Variants in PPP3CA observed in about 807,000 individuals in gnomAD.
PPP3CA encodes the protein protein phosphatase 3 catalytic subunit alpha, also known as CAM-PRP catalytic subunit.
Under a neutral mutation model 66.5 loss-of-function variants are expected in PPP3CA, and 14 were observed. That is an observed-to-expected ratio of 0.21 (90% confidence interval 0.14 to 0.33). The LOEUF is 0.33. Ranked by LOEUF, PPP3CA falls within the 10% of genes least tolerant of loss-of-function variation. The pLI is 1.00. For missense variants in PPP3CA, 317 were observed against 639.5 expected (o/e 0.50, Z 5.44); for synonymous variants, 232 against 226.2 (o/e 1.03, Z -0.23).
intron 12 of PPP3CA, among the ~76,000 whole-genome samples, chr4:101,031,534 A>C (rs1208711582): frequency 6.6e-6 from 1 of 152,138 alleles, no homozygotes; most frequent in Non-Finnish European, 1.5e-5. Context: ...ATTTAATATA[A>C]ATTAGATAAA....
intron 3 of PPP3CA, among the ~76,000 whole-genome samples, chr4:101,102,274 G>C (rs1442976932): frequency 6.6e-6 from 1 of 150,738 alleles, no homozygotes; most frequent in Non-Finnish European, 1.5e-5. Flanking sequence ...GGAAGGGAGG[G>C]AGGAAGGGAG....
chr4:101,226,662 T>C lies in PPP3CA; in HGVS notation c.59-30546A>G, dbSNP rs146539923. ...TGGGAAGTCCTTGAAACCTGGCACA[T>C]CCTTTACAAGTAACATTTTTACTCA... On this transcript the variant is annotated intron_variant, in intron 1 of 13. Coordinates refer to ENST00000394854, the MANE Select transcript of PPP3CA (RefSeq NM_000944.5). Among the ~76,000 whole-genome samples, 4 of 151,840 alleles carry C rather than the reference T, an allele frequency of 2.6e-5. No homozygotes were observed. The South Asian group carries it at 8.3e-4, about 31-fold the overall frequency.
intron 1 of PPP3CA, among the ~76,000 whole-genome samples, chr4:101,196,838 T>C (rs989270674): frequency 6.6e-6 from 1 of 152,204 alleles, no homozygotes; most frequent in Non-Finnish European, 1.5e-5. Flanking sequence ...ACCCGCATCT[T>C]CTTAACAGCA....
At chr4:101,247,930 A>G (rs961384965) in intron 1 of PPP3CA, among the ~76,000 whole-genome samples, 6 of 152,320 alleles carry the variant, frequency 3.9e-5, no homozygotes, top group Non-Finnish European at 8.8e-5. Context: ...AACTCTATAT[A>G]TGTGTGTATA....
chr4:101,083,339 G>C (rs1012831447), intron 6 of PPP3CA, 76 bp from the exon 7 acceptor site: 26 of 1,251,092 alleles, frequency 2.1e-5, no homozygotes, highest in Non-Finnish European at 3.0e-5. Flanking sequence ...CTAACATCCA[G>C]ATCTATGTGA....
chr4:101,338,023 C>T (rs1439019272), intron 1 of PPP3CA, among the ~76,000 whole-genome samples: 1 of 152,218 alleles, frequency 6.6e-6, no homozygotes, highest in Admixed American at 6.5e-5. Context: ...TAATCTTATA[C>T]ATTTTTATTC....
chr4:101,235,652 C>T (rs9997767), intron 1 of PPP3CA, among the ~76,000 whole-genome samples: 101,669 of 151,638 alleles, frequency 0.67, 34,977 homozygotes, highest in Middle Eastern at 0.76. Context: ...GCTCAGTAAA[C>T]GTATTTCATT....
At chr4:101,238,936 C>A (rs574185074) in intron 1 of PPP3CA, among the ~76,000 whole-genome samples, 2 of 152,060 alleles carry the variant, frequency 1.3e-5, no homozygotes, top group South Asian at 4.2e-4. Context: ...TCTAATGTAA[C>A]CATCCTCCCA....
chr4:101,218,958 A>G (rs1342694376), intron 1 of PPP3CA, among the ~76,000 whole-genome samples: 1 of 152,084 alleles, frequency 6.6e-6, no homozygotes, highest in Non-Finnish European at 1.5e-5. Flanking sequence ...AAATAAACGC[A>G]TTGTCCCTTT....
chr4:101,145,650 G>C (rs757165995), intron 2 of PPP3CA, among the ~76,000 whole-genome samples: 3 of 152,002 alleles, frequency 2.0e-5, no homozygotes, highest in Non-Finnish European at 4.4e-5. Context: ...TGGGGGTAAG[G>C]AAAAAGTGGG....
intron 2 of PPP3CA, among the ~76,000 whole-genome samples, chr4:101,178,431 A>G (rs1395476): frequency 0.15 from 23,298 of 152,056 alleles, 2,305 homozygotes; most frequent in East Asian, 0.29. Context: ...TTACCTTTAC[A>G]TCTGAAATTT....
At position 101,026,054 on chromosome 4, in the gene PPP3CA, T is replaced by C; in HGVS notation, c.1377A>G (p.Lys459=). ...TGATCTTATGTTGTGGTGAAAATCC[T>C]TTGATAGCTAAACAGAAAATCATTA... ...VEAIEADEAI[K]GFSPQHKITS... Residue 459 remains lysine, a synonymous_variant, in exon 14 of 14, where the codon AAA becomes AAG. Transcript: ENST00000394854. 6.3e-7 allele frequency: 1 copy of C among 1,589,188 alleles called. No individual in the cohort carries two copies. Among genetic ancestry groups the C allele is most frequent in the Non-Finnish European group, 8.5e-7 (1 of 1,169,610 alleles).
chr4:101,078,601 T>C (rs1729290572), intron 8 of PPP3CA, among the ~76,000 whole-genome samples: 1 of 152,178 alleles, frequency 6.6e-6, no homozygotes, highest in East Asian at 1.9e-4. Context: ...AACTCTACAG[T>C]AGTTTTAAAA....
intron 2 of PPP3CA, among the ~76,000 whole-genome samples, chr4:101,141,136 G>C (rs1174987203): frequency 6.6e-6 from 1 of 152,074 alleles, no homozygotes; most frequent in Non-Finnish European, 1.5e-5. Context: ...TTGGGAGGCC[G>C]AGGTGGGTGG....
At chr4:101,047,250 A>T (rs950646611) in intron 10 of PPP3CA, among the ~76,000 whole-genome samples, 5 of 152,150 alleles carry the variant, frequency 3.3e-5, no homozygotes, top group African/African-American at 1.2e-4. Flanking sequence ...TCCTAGATTT[A>T]AAAAAAGCAC....
chr4:101,230,766 C>T (rs1162934205), intron 1 of PPP3CA, among the ~76,000 whole-genome samples: 2 of 151,656 alleles, frequency 1.3e-5, no homozygotes, highest in African/African-American at 4.8e-5. Flanking sequence ...CAAAGATTTT[C>T]ACAAACAGAA....
intron 2 of PPP3CA, among the ~76,000 whole-genome samples, chr4:101,162,197 G>A (rs992259737): frequency 1.3e-4 from 19 of 151,934 alleles, no homozygotes; most frequent in African/African-American, 2.9e-4. Context: ...CCAAGATGGC[G>A]CCACTGCACT....
intron 8 of PPP3CA, among the ~76,000 whole-genome samples, chr4:101,079,879 A>G (rs892708687): frequency 6.6e-6 from 1 of 152,184 alleles, no homozygotes; most frequent in Non-Finnish European, 1.5e-5. Context: ...AGTTTCAGAA[A>G]AAAGGCACAG....
intron 1 of PPP3CA, among the ~76,000 whole-genome samples, chr4:101,202,406 T>C (rs1262623786): frequency 6.6e-6 from 1 of 152,200 alleles, no homozygotes; most frequent in Admixed American, 6.5e-5. Flanking sequence ...ATTTGGGTTC[T>C]AATATTGAGC....
Sources: allele counts gnomAD v4.1 joint callset (sites outside exome capture counted in the v4.1 genomes callset), GRCh38; gene constraint gnomAD v4.1.1; transcripts MANE v1.5; gene names NCBI Gene and HGNC (gene_info 2026-07-23, HGNC 2026-07-21).